The following NCKAP5 variants were observed in gnomAD, a reference collection of about 807,000 sequenced individuals.
NCKAP5 encodes nck-associated protein 5.
In NCKAP5, 92 loss-of-function variants were observed where a neutral mutation model predicts 167.0. The ratio of observed to expected loss-of-function variants is 0.55; its 90% CI spans 0.47 to 0.66. NCKAP5 has a LOEUF of 0.66. Among genes scored for constraint, NCKAP5 ranks in the 30% least tolerant of loss-of-function variants. NCKAP5 has a pLI of 0.00. For synonymous variants in NCKAP5, 891 were observed against 877.4 expected, an observed-to-expected ratio of 1.02 and a Z score of -0.27; for missense variants, 2,378 against 2,315.0, an observed-to-expected ratio of 1.03 and a Z score of -0.56.
At chr2:133,128,947 T>C (rs1179600263) in intron 6 of NCKAP5, among the ~76,000 whole-genome samples, 2 of 15,814 alleles carry the variant, frequency 1.3e-4, no homozygotes, top group Admixed American at 1.3e-3. Context: ...ACTCACTGAT[T>C]TTTTTTTTTT....
chr2:133,644,004 C>T, the NCKAP5 span, among the ~76,000 whole-genome samples: 3 of 152,304 alleles, frequency 2.0e-5, no homozygotes, highest in African/African-American at 4.8e-5. Flanking sequence ...TGACATGCCC[C>T]TGTCACTACA....
At chr2:133,505,909 T>C (rs575641727) in intron 3 of NCKAP5, among the ~76,000 whole-genome samples, 173 of 152,350 alleles carry the variant, frequency 1.1e-3, no homozygotes, top group African/African-American at 3.8e-3. Flanking sequence ...TTCCTTTGCA[T>C]AGGGTGCCAC....
chr2:133,310,541 C>G (rs1681159088), intron 3 of NCKAP5, among the ~76,000 whole-genome samples: 1 of 152,216 alleles, frequency 6.6e-6, no homozygotes, highest in Non-Finnish European at 1.5e-5. Context: ...CCCTGGTATT[C>G]TCTGAAAGTG....
intron 15 of NCKAP5, among the ~76,000 whole-genome samples, chr2:132,780,749 A>G (rs1346712047): frequency 6.6e-6 from 1 of 152,148 alleles, no homozygotes; most frequent in African/African-American, 2.4e-5. Flanking sequence ...CAGTGGTGTA[A>G]TTTGAAGATG....
rs115756811 is a variant in NCKAP5, at chr2:133,011,291, A to G, written c.342-17052T>C. 2.6e-3 allele frequency among the ~76,000 whole-genome samples: 403 copies of G among 152,348 alleles called. 4 individuals carry two copies. The highest frequency in any genetic ancestry group is 9.2e-3 in the African/African-American group (384 of 41,582). On this transcript the variant is annotated intron_variant, in intron 6 of 19. Coordinates refer to ENST00000409261, the MANE Select transcript of NCKAP5 (RefSeq NM_207363.3). The stretch of plus-strand genomic sequence containing the variant: ...CAGAATTTTACTGTAATATTGATAA[A>G]GACAATAGTACCTACGCTATACAGA...
At chr2:132,692,526 CTTTTT>C (rs374718276) in intron 19 of NCKAP5, among the ~76,000 whole-genome samples, 7 of 149,450 alleles carry the variant, frequency 4.7e-5, no homozygotes, top group Non-Finnish European at 1.0e-4. Flanking sequence ...GGGACCTTGT[CTTTTT>C]TTTTTCTCAA....
the NCKAP5 span, among the ~76,000 whole-genome samples, chr2:133,597,455 G>A: frequency 6.6e-6 from 1 of 152,030 alleles, no homozygotes; most frequent in Admixed American, 6.6e-5. Context: ...GGATCACGAG[G>A]TCAGGAGACC....
At chr2:133,180,054 T>C (rs756484018) in intron 5 of NCKAP5, among the ~76,000 whole-genome samples, 10 of 152,028 alleles carry the variant, frequency 6.6e-5, no homozygotes, top group Non-Finnish European at 1.3e-4. Context: ...CTTCTGAGAA[T>C]GAAAGACAAA....
chr2:132,869,337 G>C lies in NCKAP5; in HGVS notation c.649-363C>G, dbSNP rs16842790. Among the ~76,000 whole-genome samples, 640 of 152,210 alleles carry C rather than the reference G, an allele frequency of 4.2e-3. 9 individuals are homozygous for C. Among genetic ancestry groups the C allele is most frequent in the Admixed American group, 0.023 (344 of 15,276 alleles). ...TATCTGTCCACAGTTTCTACACTTT[G>C]CTGATTTACAATATCCTTTGCCTGT... On this transcript the variant is annotated intron_variant, in intron 9 of 19. Transcript: ENST00000409261.
chr2:133,089,900 G>T (rs534626564), intron 6 of NCKAP5, among the ~76,000 whole-genome samples: 6 of 152,104 alleles, frequency 3.9e-5, no homozygotes, highest in Admixed American at 2.0e-4. Context: ...CCTTTGTTTT[G>T]TGGAGCGTTT....
chr2:133,505,811 C>T (rs1403874490), intron 3 of NCKAP5, among the ~76,000 whole-genome samples: 1 of 152,208 alleles, frequency 6.6e-6, no homozygotes, highest in African/African-American at 2.4e-5. Context: ...AGCTTTCTTC[C>T]TGAGGCTGCC....
At position 132,790,161 on chromosome 2, in the gene NCKAP5, C is replaced by G. The variant is rs948297028; in HGVS notation, c.954G>C (p.Leu318Phe). The part of the protein sequence containing the change: ...NTKSALKCPG[L>F]GAVIPGHLCP... ...AGAGATGACCAGGGATGACAGCCCC[C>G]AAGCCAGGGCATTTCAAGGCCGATT... The change falls in exon 13 of 20, where the codon TTG (leucine) becomes TTC (phenylalanine). Residue 318 changes from leucine (L) to phenylalanine (F), a missense_variant. Physicochemically the swap from Leu to Phe is conservative, Grantham distance 22. Coordinates refer to ENST00000409261, the MANE Select transcript of NCKAP5 (RefSeq NM_207363.3). The G allele has an allele frequency of 1.2e-6, 2 of 1,613,482 alleles. No individual in the cohort carries two copies. Among genetic ancestry groups the G allele is most frequent in the African/African-American group, 2.7e-5 (2 of 74,894 alleles).
the NCKAP5 span, among the ~76,000 whole-genome samples, chr2:133,617,917 C>T: frequency 6.6e-6 from 1 of 151,998 alleles, no homozygotes; most frequent in African/African-American, 2.4e-5. Context: ...TACAAGGCTA[C>T]AGTAACCAAC....
At chr2:133,131,003 A>G (rs2082583926) in intron 5 of NCKAP5, among the ~76,000 whole-genome samples, 1 of 152,198 alleles carries the variant, frequency 6.6e-6, no homozygotes, top group Non-Finnish European at 1.5e-5. Context: ...ACTTAAAAGG[A>G]AAGAAGGCAA....
At chr2:133,020,210 G>T (rs182056217) in intron 6 of NCKAP5, among the ~76,000 whole-genome samples, 23 of 152,336 alleles carry the variant, frequency 1.5e-4, no homozygotes, top group Non-Finnish European at 5.9e-5. Context: ...AGACAGGAAG[G>T]TTGCTAAGGA....
chr2:133,239,424 G>A (rs1258048208), intron 4 of NCKAP5, among the ~76,000 whole-genome samples: 3 of 152,040 alleles, frequency 2.0e-5, no homozygotes, highest in East Asian at 1.9e-4. Flanking sequence ...ACTATATTCC[G>A]TGAAATACCA....
intron 7 of NCKAP5, among the ~76,000 whole-genome samples, chr2:132,980,885 G>T (rs2077117154): frequency 6.6e-6 from 1 of 152,132 alleles, no homozygotes; most frequent in Non-Finnish European, 1.5e-5. Context: ...TATCTTAAGG[G>T]TATGTTTATA....
chr2:133,153,693 C>T (rs2083460906), intron 5 of NCKAP5, among the ~76,000 whole-genome samples: 1 of 152,030 alleles, frequency 6.6e-6, no homozygotes, highest in African/African-American at 2.4e-5. Flanking sequence ...CACTGTGCTT[C>T]TGGCATATCT....
At chr2:133,647,308 G>T in the NCKAP5 span, among the ~76,000 whole-genome samples, 2 of 147,330 alleles carry the variant, frequency 1.4e-5, no homozygotes, top group South Asian at 4.2e-4. Flanking sequence ...CTGCACTCCA[G>T]CCTGAGCAAC....
Sources: gnomAD v4.1 joint callset for allele counts (sites outside exome capture counted in the v4.1 genomes callset) on GRCh38, gnomAD v4.1.1 for gene constraint, MANE v1.5 for transcripts, NCBI Gene and HGNC (gene_info 2026-07-23, HGNC 2026-07-21) for gene names.